The following COL5A1 variants were observed in gnomAD, a reference collection of about 807,000 sequenced individuals.
COL5A1 encodes the protein collagen type V alpha 1 chain.
In COL5A1, 16 loss-of-function variants were observed where a neutral mutation model predicts 263.7. The ratio of observed to expected loss-of-function variants is 0.06; its 90% CI spans 0.04 to 0.09. The LOEUF (loss-of-function observed/expected upper bound fraction) is 0.09. Ranked by LOEUF, COL5A1 falls within the 10% of genes least tolerant of loss-of-function variation. The probability of loss-of-function intolerance (pLI) is 1.00; values close to 1 mark genes in which losing one functional copy is unlikely to be tolerated. For synonymous variants in COL5A1, 1,012 were observed against 1,004.5 expected, an observed-to-expected ratio of 1.01 and a Z score of -0.14; for missense variants, 2,036 against 2,540.5, an observed-to-expected ratio of 0.80 and a Z score of 4.27.
intron 18 of COL5A1, among the ~76,000 whole-genome samples, chr9:134,759,765 G>A (rs1422894602): frequency 9.0e-4 from 33 of 36,830 alleles, no homozygotes; most frequent in South Asian, 2.2e-3. Context: ...ACACACCCAC[G>A]CACCCCCACA....
intron 65 of COL5A1, among the ~76,000 whole-genome samples, chr9:134,836,984 AG>A (rs1839873335): frequency 6.6e-6 from 1 of 152,232 alleles, no homozygotes; most frequent in Non-Finnish European, 1.5e-5. Flanking sequence ...TAAAAATGCC[AG>A]GGACCTTACC....
intron 4 of COL5A1, chr9:134,708,882 G>A (rs545103576): frequency 1.3e-5 from 6 of 456,654 alleles, no homozygotes; most frequent in East Asian, 7.0e-5. Flanking sequence ...TCTGCCTGCC[G>A]CTTCCAGCCC....
Position 134,828,387 on chromosome 9 carries a change from C to T in COL5A1, c.5068-1589C>T, listed in dbSNP as rs146463563. On this transcript the variant is annotated intron_variant, in intron 63 of 65. Coordinates refer to ENST00000371817, the MANE Select transcript of COL5A1 (RefSeq NM_000093.5). The stretch of plus-strand genomic sequence containing the variant: ...GCTGCACATGATCCAGGCAGGCAGC[C>T]GAGGAGCAGCCCTCACCCGCACACG... 9.9e-5 allele frequency among the ~76,000 whole-genome samples: 15 copies of T among 152,164 alleles called. No individual in the cohort carries two copies. The South Asian group carries it at 2.3e-3, about 23-fold the overall frequency.
chr9:134,755,779 G>A lies in COL5A1; in HGVS notation c.1828-986G>A, dbSNP rs1260441287. Among the ~76,000 whole-genome samples, 3 of 152,170 alleles carry A rather than the reference G, an allele frequency of 2.0e-5. No homozygotes were observed. The South Asian group carries it at 6.2e-4, about 32-fold the overall frequency. Reference sequence around the variant, plus strand: ...ACGGGAGCACCGACTGTCTCCTTGGGGTGTGTTTGGATTTCTCTCTTTTTG... The same window carrying A: ...ACGGGAGCACCGACTGTCTCCTTGGAGTGTGTTTGGATTTCTCTCTTTTTG... On this transcript the variant is annotated intron_variant, in intron 16 of 65. Transcript: ENST00000371817. This position sits in a 1 kb window ranked among gnomAD's most constrained non-coding sequence, Gnocchi z 4.1.
At chr9:134,826,666 T>G (rs1357878756) in intron 63 of COL5A1, among the ~76,000 whole-genome samples, 2 of 149,210 alleles carry the variant, frequency 1.3e-5, no homozygotes, top group East Asian at 2.0e-4. Flanking sequence ...GGTGGATGGG[T>G]GTGTGTATGG....
At chr9:134,836,659 T>G (rs1483288919) in intron 65 of COL5A1, among the ~76,000 whole-genome samples, 1 of 152,038 alleles carries the variant, frequency 6.6e-6, no homozygotes, top group Non-Finnish European at 1.5e-5. Context: ...GGGAGCAGAG[T>G]GGACCTGGGT....
At chr9:134,720,537 C>A (rs949079094) in intron 4 of COL5A1, among the ~76,000 whole-genome samples, 1 of 152,150 alleles carries the variant, frequency 6.6e-6, no homozygotes, top group Non-Finnish European at 1.5e-5. Flanking sequence ...TTATGGCGGT[C>A]GGGCTGGGCA....
intron 19 of COL5A1, 69 bp downstream of exon 19, chr9:134,762,047 C>T: frequency 6.5e-7 from 1 of 1,537,182 alleles, no homozygotes; most frequent in Non-Finnish European, 9.0e-7. Flanking sequence ...GCAGGAAAAC[C>T]ACAGAAGAGA....
chr9:134,827,164 A>G (rs1839318590), intron 63 of COL5A1, among the ~76,000 whole-genome samples: 1 of 152,190 alleles, frequency 6.6e-6, no homozygotes, highest in Admixed American at 6.5e-5. Flanking sequence ...TCTGCTTCCT[A>G]ACAACCTCAG....
intron 4 of COL5A1, among the ~76,000 whole-genome samples, chr9:134,712,002 C>A (rs1392389001): frequency 4.5e-5 from 6 of 132,608 alleles, no homozygotes; most frequent in Admixed American, 3.0e-4. Flanking sequence ...CTCCTTCCCC[C>A]TCCTTCCTGT....
At chr9:134,709,705 G>C (rs779769344) in intron 4 of COL5A1, among the ~76,000 whole-genome samples, 1 of 152,228 alleles carries the variant, frequency 6.6e-6, no homozygotes, top group Non-Finnish European at 1.5e-5. Flanking sequence ...CATGGAAAAT[G>C]TGAGCCACAG....
At chr9:134,837,762 G>A (rs1312883156) in intron 65 of COL5A1, among the ~76,000 whole-genome samples, 5 of 152,068 alleles carry the variant, frequency 3.3e-5, no homozygotes. Flanking sequence ...AGTCTCGGGT[G>A]TGCCAAACGC....
At chr9:134,749,930 G>A (rs1208375479) in intron 11 of COL5A1, among the ~76,000 whole-genome samples, 1 of 152,232 alleles carries the variant, frequency 6.6e-6, no homozygotes, top group African/African-American at 2.4e-5. Context: ...ATGTCTGTGT[G>A]GCCAGGTTGG....
chr9:134,757,595 G>A lies in COL5A1; in HGVS notation c.1882-648G>A, dbSNP rs1470998060. Among the ~76,000 whole-genome samples, 2 of 152,212 alleles carry A rather than the reference G, an allele frequency of 1.3e-5. No homozygotes were observed. Among genetic ancestry groups the A allele is most frequent in the African/African-American group, 2.4e-5 (1 of 41,446 alleles). On this transcript the variant is annotated intron_variant, in intron 17 of 65. Coordinates refer to ENST00000371817, the MANE Select transcript of COL5A1 (RefSeq NM_000093.5). The surrounding 1 kb of genome is among the most constrained non-coding windows in gnomAD (Gnocchi z 6.2). The stretch of plus-strand genomic sequence containing the variant: ...GCTAGTGAGGTGGCCTGGGGTGACA[G>A]GAGGAAACGCAGTCTTGTTGACTCT...
At chr9:134,810,605 C>A in intron 44 of COL5A1, 1 of 441,148 alleles carries the variant, frequency 2.3e-6, no homozygotes, top group Non-Finnish European at 4.0e-6. Context: ...ACACCCATTG[C>A]CCTCTGAGGT....
At chr9:134,752,038 G>A (rs142839986) in intron 13 of COL5A1, among the ~76,000 whole-genome samples, 95 of 152,350 alleles carry the variant, frequency 6.2e-4, no homozygotes, top group African/African-American at 2.1e-3. Context: ...CTTGGCAGCT[G>A]CAGAAGCGGC....
intron 9 of COL5A1, among the ~76,000 whole-genome samples, chr9:134,736,619 C>T (rs187379429): frequency 3.6e-4 from 55 of 152,336 alleles, no homozygotes; most frequent in Admixed American, 2.4e-3. Flanking sequence ...AAATTCATGT[C>T]CTTCTCACAT....
intron 19 of COL5A1, 130 bp downstream of exon 19, chr9:134,762,108 G>A: frequency 1.1e-6 from 1 of 896,446 alleles, no homozygotes; most frequent in Non-Finnish European, 1.8e-6. Flanking sequence ...GCTGGGAGAA[G>A]GCAGATGGGG....
In COL5A1 at chr9:134,696,061, G is replaced by GC. The variant is rs972483113; in HGVS notation, c.278-3842dup. ...CCAGGGTCCAGCTGAAACCTCAGCC[G>GC]CCCCCCAGGTTCCTGGCCCCCTGTC... On this transcript the variant is annotated intron_variant, in intron 2 of 65. Coordinates refer to ENST00000371817, the MANE Select transcript of COL5A1 (RefSeq NM_000093.5). The surrounding 1 kb of genome is among the most constrained non-coding windows in gnomAD (Gnocchi z 4.3). Among the ~76,000 whole-genome samples, 8 of 151,984 alleles carry GC rather than the reference G, an allele frequency of 5.3e-5. No individual in the cohort carries two copies. Among genetic ancestry groups the GC allele is most frequent in the Admixed American group, 2.6e-4 (4 of 15,266 alleles).
Sources: allele counts gnomAD v4.1 joint callset (sites outside exome capture counted in the v4.1 genomes callset), GRCh38; gene constraint gnomAD v4.1.1; non-coding constraint Gnocchi (gnomAD v3.1); transcripts MANE v1.5; gene names NCBI Gene and HGNC (gene_info 2026-07-23, HGNC 2026-07-21).